Variants in FAM210A observed in about 807,000 individuals in gnomAD.
FAM210A encodes the protein family with sequence similarity 210 member A.
In FAM210A, 13 loss-of-function variants were observed where a neutral mutation model predicts 25.3. The ratio of observed to expected loss-of-function variants is 0.51; its 90% CI spans 0.33 to 0.82. The LOEUF is 0.82. FAM210A is among the 40% of genes least tolerant of loss of function. The pLI, the probability that FAM210A is intolerant of heterozygous loss-of-function variation, is 0.02. For synonymous variants in FAM210A, 125 were observed against 118.7 expected, an observed-to-expected ratio of 1.05 and a Z score of -0.35; for missense variants, 319 against 323.2, an observed-to-expected ratio of 0.99 and a Z score of 0.10.
In FAM210A at chr18:13,673,763, T is replaced by A. The variant is rs185453833; in HGVS notation, c.474-1790A>T. On this transcript the variant is annotated intron_variant, in intron 2 of 3. Transcript: ENST00000651643. ...TTTCCAGTTCCCTGATTATTAACATTCCTGAGCCCCGACTTCATTTCCAGT... is the reference window on the plus strand; with the variant it reads ...TTTCCAGTTCCCTGATTATTAACATACCTGAGCCCCGACTTCATTTCCAGT... 4.6e-5 allele frequency among the ~76,000 whole-genome samples: 7 copies of A among 151,600 alleles called. No homozygotes were observed. The East Asian group carries it at 1.4e-3, about 30-fold the overall frequency.
At chr18:13,713,725 AACACACACACAC>A (rs55691136) in intron 1 of FAM210A, among the ~76,000 whole-genome samples, 98 of 142,012 alleles carry the variant, frequency 6.9e-4, no homozygotes, top group African/African-American at 2.5e-3. Flanking sequence ...GTCACTATAA[AACACACACACAC>A]ACACACACAC....
chr18:13,697,019 CAG>C (rs1370782320), intron 1 of FAM210A, among the ~76,000 whole-genome samples: 1 of 152,116 alleles, frequency 6.6e-6, no homozygotes, highest in Admixed American at 6.5e-5. Context: ...TATGTTTAGA[CAG>C]AAAAATATTT....
chr18:13,698,104 G>C (rs374193927), intron 1 of FAM210A, among the ~76,000 whole-genome samples: 4 of 152,188 alleles, frequency 2.6e-5, no homozygotes, highest in Non-Finnish European at 5.9e-5. Flanking sequence ...TGTAATCCCA[G>C]CACTTTGGGA....
chr18:13,684,533 C>T (rs1479171402), intron 1 of FAM210A, among the ~76,000 whole-genome samples: 3 of 152,016 alleles, frequency 2.0e-5, no homozygotes, highest in African/African-American at 4.8e-5. Context: ...ATCCTAAACA[C>T]GTATATACCT....
chr18:13,692,949 G>A (rs890206930), intron 1 of FAM210A, among the ~76,000 whole-genome samples: 1 of 152,160 alleles, frequency 6.6e-6, no homozygotes, highest in African/African-American at 2.4e-5. Context: ...AAAAATCAAT[G>A]AATCCAGGAG....
rs537084119 is a variant in FAM210A at position 13,706,111 on chromosome 18, C to T, written c.-29+20218G>A. The stretch of plus-strand genomic sequence containing the variant: ...TCCATACTGCAGCAAAACTTCAGGA[C>T]CTTGTATTTTGGCTTCATAATCTCA... On this transcript the variant is annotated intron_variant, in intron 1 of 3. Transcript: ENST00000651643. Among the ~76,000 whole-genome samples the T allele has an allele frequency of 7.3e-4, 111 of 152,252 alleles. 1 individual carries two copies. The highest frequency in any genetic ancestry group is 2.5e-3 in the African/African-American group (102 of 41,548).
chr18:13,697,358 ATTAAAAACAC>A (rs954777155), intron 1 of FAM210A, among the ~76,000 whole-genome samples: 52 of 152,296 alleles, frequency 3.4e-4, no homozygotes, highest in Admixed American at 1.4e-3. Flanking sequence ...AAAATTGCAA[ATTAAAAACAC>A]TAAGACACTA....
At chr18:13,670,812 T>A (rs74796697) in intron 3 of FAM210A, 1 of 152,288 alleles carries the variant, frequency 6.6e-6, no homozygotes, top group African/African-American at 2.4e-5. Flanking sequence ...CTGACCAACA[T>A]GGAGAAACCC....
intron 1 of FAM210A, among the ~76,000 whole-genome samples, chr18:13,723,741 C>T (rs1962470032): frequency 6.6e-6 from 1 of 152,190 alleles, no homozygotes; most frequent in Non-Finnish European, 1.5e-5. Context: ...CCTAGCTAAG[C>T]TGACATAATA....
chr18:13,666,315 T>C lies in FAM210A; in HGVS notation c.*165A>G. ...TTCTTCCCTTGTAATAACACTGATT[T>C]TTCTAGTGATATTTAACTTTAAAAA... On this transcript the variant is annotated 3_prime_UTR_variant, in exon 4 of 4. Transcript: ENST00000651643. 1.6e-6 allele frequency: 1 copy of C among 614,868 alleles called. No individual in the cohort carries two copies. The highest frequency in any genetic ancestry group is 2.1e-5 in the South Asian group (1 of 47,936). The allele number at this position is 614,868 out of a possible 1,614,324, so 38.1% of individuals were successfully genotyped here. A position where few individuals can be genotyped will look rare whatever the true frequency, so the allele number is the denominator to read the frequency against.
chr18:13,689,997 C>T (rs2043629471), intron 1 of FAM210A, among the ~76,000 whole-genome samples: 1 of 152,212 alleles, frequency 6.6e-6, no homozygotes, highest in Non-Finnish European at 1.5e-5. Context: ...CAGGGAATTC[C>T]CTTTCCTAGC....
chr18:13,667,636 T>G (rs2043411348), intron 3 of FAM210A, among the ~76,000 whole-genome samples: 1 of 152,122 alleles, frequency 6.6e-6, no homozygotes, highest in Admixed American at 6.5e-5. Flanking sequence ...GGAGAATCGC[T>G]TGAACCCGGT....
chr18:13,680,440 T>C (rs1342334473), intron 2 of FAM210A, among the ~76,000 whole-genome samples: 4 of 152,250 alleles, frequency 2.6e-5, no homozygotes, highest in Admixed American at 6.5e-5. Flanking sequence ...AATGTAAAGA[T>C]ACAAAGTGAA....
rs144411166 is a variant in FAM210A, at chr18:13,709,194, T to C, written c.-29+17135A>G. Among the ~76,000 whole-genome samples, 122 of 152,318 alleles carry C rather than the reference T, an allele frequency of 8.0e-4. 3 individuals are homozygous for C. The East Asian group carries it at 0.02, about 25-fold the overall frequency. On this transcript the variant is annotated intron_variant, in intron 1 of 3. Coordinates refer to ENST00000651643, the MANE Select transcript of FAM210A (RefSeq NM_152352.4). ...TATATATGGCATCTAGGTCAGATCA[T>C]GACTCTCCTCTTTTTAAAACTTTCC...
chr18:13,690,033 G>A (rs1051430118), intron 1 of FAM210A, among the ~76,000 whole-genome samples: 4 of 152,218 alleles, frequency 2.6e-5, no homozygotes, highest in African/African-American at 2.4e-5. Context: ...CAGACGGTAC[G>A]TGGAAAATCG....
At chr18:13,688,712 C>T (rs1020725298) in intron 1 of FAM210A, among the ~76,000 whole-genome samples, 10 of 152,336 alleles carry the variant, frequency 6.6e-5, no homozygotes, top group Middle Eastern at 3.4e-3. Context: ...GTCCACTGAG[C>T]GGATAACGCT....
chr18:13,698,369 A>AT (rs1555790678), intron 1 of FAM210A, among the ~76,000 whole-genome samples: 1 of 151,428 alleles, frequency 6.6e-6, no homozygotes, highest in African/African-American at 2.4e-5. Flanking sequence ...AAAAAAAAAA[A>AT]AAATAAGAAT....
Position 13,664,548 on chromosome 18 carries a change from T to G in FAM210A, c.*1932A>C, listed in dbSNP as rs904621325. Reference sequence around the variant, plus strand: ...AAAAACATGTTAATCATGTTTAGATTTGAAAATGTGGCATCAATGTGAAGC... The same window carrying G: ...AAAAACATGTTAATCATGTTTAGATGTGAAAATGTGGCATCAATGTGAAGC... On this transcript the variant is annotated 3_prime_UTR_variant, in exon 4 of 4. Coordinates refer to ENST00000651643, the MANE Select transcript of FAM210A (RefSeq NM_152352.4). The G allele has an allele frequency of 3.3e-5, 5 of 152,186 alleles. No homozygotes were observed. Among genetic ancestry groups the G allele is most frequent in the Non-Finnish European group, 5.9e-5 (4 of 68,030 alleles). 9.4% of individuals were successfully genotyped at this position (152,186 alleles called of 1,614,324 possible). A position where few individuals can be genotyped will look rare whatever the true frequency, so the allele number is the denominator to read the frequency against.
chr18:13,718,242 CCTTA>C (rs778589053), intron 1 of FAM210A, among the ~76,000 whole-genome samples: 5 of 152,148 alleles, frequency 3.3e-5, no homozygotes, highest in Non-Finnish European at 7.3e-5. Context: ...AGCCTACTCT[CCTTA>C]AGAAACCTTC....
Sources: gnomAD v4.1 joint callset for allele counts (sites outside exome capture counted in the v4.1 genomes callset) on GRCh38, gnomAD v4.1.1 for gene constraint, MANE v1.5 for transcripts, NCBI Gene and HGNC (gene_info 2026-07-23, HGNC 2026-07-21) for gene names.